NELL1: variants seen among roughly 807,000 people sequenced by gnomAD.
NELL1 encodes protein kinase C-binding protein NELL1.
Under a neutral mutation model 107.4 loss-of-function variants are expected in NELL1, and 76 were observed. That is an observed-to-expected ratio of 0.71 (90% confidence interval 0.59 to 0.86). NELL1 has a LOEUF of 0.86. Ranked by LOEUF, NELL1 falls within the 40% of genes least tolerant of loss-of-function variation. The probability of loss-of-function intolerance (pLI) is 0.00; values close to 1 mark genes in which losing one functional copy is unlikely to be tolerated. For synonymous variants in NELL1, 353 were observed against 341.2 expected, an observed-to-expected ratio of 1.03 and a Z score of -0.38; for missense variants, 1,024 against 1,005.5, an observed-to-expected ratio of 1.02 and a Z score of -0.25.
intron 2 of NELL1, among the ~76,000 whole-genome samples, chr11:20,755,548 TTG>T (rs1564894996): frequency 8.6e-4 from 35 of 40,760 alleles, no homozygotes; most frequent in South Asian, 3.4e-3. Context: ...TTGTTTTTTT[TTG>T]TTTTTGTTTT....
chr11:20,727,864 T>C (rs1394547571), intron 2 of NELL1, among the ~76,000 whole-genome samples: 1 of 152,156 alleles, frequency 6.6e-6, no homozygotes, highest in Non-Finnish European at 1.5e-5. Context: ...TTTTAAATTC[T>C]TTGAGAAATC....
chr11:21,374,652 C>T (rs753167204), intron 15 of NELL1, among the ~76,000 whole-genome samples: 5 of 152,050 alleles, frequency 3.3e-5, no homozygotes, highest in Non-Finnish European at 7.4e-5. Context: ...TTTAAAACCA[C>T]CACACTGTGA....
chr11:21,366,954 G>A (rs1272106951), intron 14 of NELL1, among the ~76,000 whole-genome samples: 1 of 151,646 alleles, frequency 6.6e-6, no homozygotes, highest in African/African-American at 2.4e-5. Context: ...TTGAGTACAT[G>A]GTGATGGTAC....
intron 14 of NELL1, among the ~76,000 whole-genome samples, chr11:21,250,792 A>G (rs1037332315): frequency 2.0e-5 from 3 of 152,202 alleles, no homozygotes; most frequent in Non-Finnish European, 4.4e-5. Context: ...ATAAATTATA[A>G]TGTTTGATAG....
At chr11:21,471,948 G>T (rs1854193920) in intron 15 of NELL1, among the ~76,000 whole-genome samples, 1 of 151,940 alleles carries the variant, frequency 6.6e-6, no homozygotes, top group Non-Finnish European at 1.5e-5. Flanking sequence ...TATTGACTCT[G>T]ATCAACAAAT....
At chr11:20,984,041 T>A (rs1050083567) in intron 12 of NELL1, among the ~76,000 whole-genome samples, 6 of 152,172 alleles carry the variant, frequency 3.9e-5, no homozygotes, top group African/African-American at 1.4e-4. Flanking sequence ...TCGTCTATCT[T>A]TTTTTTCAGA....
intron 14 of NELL1, among the ~76,000 whole-genome samples, chr11:21,367,639 A>G (rs1435394350): frequency 2.0e-5 from 3 of 152,120 alleles, no homozygotes; most frequent in Non-Finnish European, 2.9e-5. Context: ...TCGTGAGCAC[A>G]TTCCATTGGC....
In NELL1 at chr11:20,717,416, G is replaced by A. The variant is rs958705715; in HGVS notation, c.184+39356G>A. On this transcript the variant is annotated intron_variant, in intron 2 of 19. Transcript: ENST00000357134. Reference sequence around the variant, plus strand: ...CTGACTCATGCCACCATTTCTGCTTGCCTTTTGCCTGGAAGACCTCTTTGT... The same window carrying A: ...CTGACTCATGCCACCATTTCTGCTTACCTTTTGCCTGGAAGACCTCTTTGT... Among the ~76,000 whole-genome samples the A allele has an allele frequency of 5.3e-5, 8 of 152,090 alleles. No homozygotes were observed. The East Asian group carries it at 9.7e-4, about 18-fold the overall frequency.
chr11:20,675,674 T>C (rs1050270370), intron 1 of NELL1, among the ~76,000 whole-genome samples: 2 of 152,204 alleles, frequency 1.3e-5, no homozygotes, highest in African/African-American at 4.8e-5. Context: ...CCTCCAATTA[T>C]ATCTCAGAAT....
chr11:21,087,125 C>T (rs942894975), intron 12 of NELL1, among the ~76,000 whole-genome samples: 12 of 152,142 alleles, frequency 7.9e-5, no homozygotes, highest in South Asian at 4.1e-4. Flanking sequence ...AGGCGTAAGG[C>T]GCCACTCCTG....
intron 12 of NELL1, among the ~76,000 whole-genome samples, chr11:20,963,033 AT>A: frequency 6.6e-6 from 1 of 152,226 alleles, no homozygotes; most frequent in African/African-American, 2.4e-5. Context: ...TTTAGAGCAG[AT>A]GCCTTTCTCG....
chr11:21,316,535 A>G (rs1849884451), intron 14 of NELL1, among the ~76,000 whole-genome samples: 1 of 152,132 alleles, frequency 6.6e-6, no homozygotes, highest in South Asian at 2.1e-4. Flanking sequence ...GCTCTGTCTT[A>G]GTAAGAAATC....
At chr11:21,368,794 G>A (rs760851464) in intron 14 of NELL1, among the ~76,000 whole-genome samples, 21 of 151,948 alleles carry the variant, frequency 1.4e-4, no homozygotes, top group Admixed American at 2.6e-4. Context: ...TTCCTGGTCC[G>A]TGTCCGTGTT....
intron 2 of NELL1, among the ~76,000 whole-genome samples, chr11:20,735,898 A>G (rs1157135980): frequency 6.6e-6 from 1 of 152,070 alleles, no homozygotes; most frequent in Non-Finnish European, 1.5e-5. Context: ...CCTGTAGTAG[A>G]GTCTGTAAAG....
Position 21,355,330 on chromosome 11 carries a change from C to T in NELL1, c.1550-15523C>T, listed in dbSNP as rs187434393. ...GCTATATGAATTAACCTAGAGAAAACGGGGCTGATATATTTAAAAAGTGCT... is the reference window on the plus strand; with the variant it reads ...GCTATATGAATTAACCTAGAGAAAATGGGGCTGATATATTTAAAAAGTGCT... On this transcript the variant is annotated intron_variant, in intron 14 of 19. Coordinates refer to ENST00000357134, the MANE Select transcript of NELL1 (RefSeq NM_006157.5). 1.1e-4 allele frequency among the ~76,000 whole-genome samples: 16 copies of T among 152,214 alleles called. No homozygotes were observed. In the South Asian group the frequency reaches 2.1e-3, roughly 20 times the overall value.
At chr11:21,132,349 T>C (rs1855639246) in intron 13 of NELL1, among the ~76,000 whole-genome samples, 1 of 152,186 alleles carries the variant, frequency 6.6e-6, no homozygotes, top group South Asian at 2.1e-4. Context: ...CGTCTAAGTA[T>C]TGCTCAGGCC....
rs66826369 is a variant in NELL1, at chr11:21,490,458, CAAAA to C, written c.1646-43900_1646-43897del. On this transcript the variant is annotated intron_variant, in intron 15 of 19. Transcript: ENST00000357134. ...ATCAATTCTAAAATGTGTATGGAACCAAAAAAAAAAAAAAAAAAAGCCAGAATAG... is the reference window on the plus strand; with the variant it reads ...ATCAATTCTAAAATGTGTATGGAACCAAAAAAAAAAAAAAAGCCAGAATAG... 0.029 allele frequency among the ~76,000 whole-genome samples: 3,191 copies of C among 109,964 alleles called. 240 individuals carry two copies. In the East Asian group the frequency reaches 0.31, roughly 11 times the overall value. The allele number at this position is 109,964 out of a possible 152,430, so 72.1% of individuals were successfully genotyped here.
chr11:20,755,994 G>A (rs1314286681), intron 2 of NELL1, among the ~76,000 whole-genome samples: 1 of 149,182 alleles, frequency 6.7e-6, no homozygotes, highest in Non-Finnish European at 1.5e-5. Context: ...CCGGGTTCAT[G>A]CCATTTTCCT....
intron 13 of NELL1, among the ~76,000 whole-genome samples, chr11:21,200,452 G>A (rs917105718): frequency 2.6e-5 from 4 of 152,098 alleles, no homozygotes; most frequent in African/African-American, 7.2e-5. Context: ...CTTTTGAGAA[G>A]TGTCTGTTCA....
Sources: allele counts gnomAD v4.1 joint callset (sites outside exome capture counted in the v4.1 genomes callset), GRCh38; gene constraint gnomAD v4.1.1; transcripts MANE v1.5; gene names NCBI Gene and HGNC (gene_info 2026-07-23, HGNC 2026-07-21).